UNC13B: variants seen among roughly 807,000 people sequenced by gnomAD.
The protein encoded by UNC13B is protein unc-13 homolog B.
A neutral mutation model predicts 211.0 loss-of-function variants in UNC13B; 144 were observed. That is an observed-to-expected ratio of 0.68 (90% CI 0.60 to 0.78). UNC13B has a LOEUF of 0.78. Ranked by LOEUF, UNC13B falls within the 30% of genes least tolerant of loss-of-function variation. The probability of loss-of-function intolerance (pLI) is 0.00; values close to 1 mark genes in which losing one functional copy is unlikely to be tolerated. For synonymous variants in UNC13B, 709 were observed against 725.8 expected (o/e 0.98, Z 0.37); for missense variants, 1,777 against 2,002.0 (o/e 0.89, Z 2.14).
At chr9:35,216,850 C>T (rs571892212) in intron 1 of UNC13B, among the ~76,000 whole-genome samples, 1 of 152,106 alleles carries the variant, frequency 6.6e-6, no homozygotes, top group Non-Finnish European at 1.5e-5. Context: ...AAACATAATC[C>T]AACTATGTGA....
chr9:35,262,213 T>C (rs1342853090), intron 7 of UNC13B, among the ~76,000 whole-genome samples: 1 of 152,146 alleles, frequency 6.6e-6, no homozygotes, highest in East Asian at 1.9e-4. Flanking sequence ...CCTTTTCTTT[T>C]CTTTGTTCTT....
At chr9:35,371,335 CTCTT>C (rs1195882591) in intron 13 of UNC13B, among the ~76,000 whole-genome samples, 29 of 148,888 alleles carry the variant, frequency 1.9e-4, no homozygotes, top group African/African-American at 5.9e-4. Flanking sequence ...TCCTTTCTCT[CTCTT>C]TCTTTCTTTC....
At chr9:35,170,186 G>A (rs1327427682) in intron 1 of UNC13B, among the ~76,000 whole-genome samples, 9 of 151,644 alleles carry the variant, frequency 5.9e-5, no homozygotes, top group Admixed American at 5.9e-4. Flanking sequence ...TTGTTTTTGA[G>A]ATGGAGTCTC....
chr9:35,391,352 C>A (rs1342032132), intron 26 of UNC13B, among the ~76,000 whole-genome samples: 2 of 152,202 alleles, frequency 1.3e-5, no homozygotes, highest in African/African-American at 4.8e-5. Flanking sequence ...GCGTTTCCTG[C>A]CATTTTATGT....
intron 13 of UNC13B, among the ~76,000 whole-genome samples, chr9:35,371,298 A>T (rs1368424815): frequency 6.9e-6 from 1 of 145,728 alleles, no homozygotes; most frequent in East Asian, 2.0e-4. Context: ...CTTCCCTTCC[A>T]TTATTTCTTA....
chr9:35,217,650 A>C (rs1458308273), intron 1 of UNC13B, among the ~76,000 whole-genome samples: 3 of 152,036 alleles, frequency 2.0e-5, no homozygotes, highest in Non-Finnish European at 2.9e-5. Context: ...CGGCCTCCCA[A>C]AGTGCTGGGA....
intron 11 of UNC13B, chr9:35,364,701 C>T: frequency 1.9e-6 from 2 of 1,079,250 alleles, no homozygotes; most frequent in Non-Finnish European, 2.6e-6. Context: ...TGCCTCTGAG[C>T]TTTGGCTCAT....
chr9:35,207,584 C>T (rs1823735698), intron 1 of UNC13B, among the ~76,000 whole-genome samples: 1 of 151,874 alleles, frequency 6.6e-6, no homozygotes. Context: ...ATCCTCCCAC[C>T]TAGGCCACCC....
chr9:35,187,697 A>G (rs1376006195), intron 1 of UNC13B, among the ~76,000 whole-genome samples: 1 of 152,208 alleles, frequency 6.6e-6, no homozygotes, highest in African/African-American at 2.4e-5. Context: ...CTTAGAGCTG[A>G]ACCCAGCCAT....
rs535456762 is a variant in UNC13B, at chr9:35,165,410, ATT to A, written c.22+3125_22+3126del. Among the ~76,000 whole-genome samples the A allele has an allele frequency of 3.0e-3, 412 of 136,500 alleles. 4 individuals carry two copies. Among genetic ancestry groups the A allele is most frequent in the South Asian group, 0.021 (87 of 4,198 alleles). The allele number at this position is 136,500 out of a possible 152,430, so 89.5% of individuals were successfully genotyped here. A position where few individuals can be genotyped will look rare whatever the true frequency, so the allele number is the denominator to read the frequency against. ...ACCATTCAGCGGGTGATTGACTTGA[ATT>A]TTTTTTTTTTTTTTTTTTTAATTTT... On this transcript the variant is annotated intron_variant, in intron 1 of 39. Transcript: ENST00000635942.
chr9:35,398,405 C>T, intron 31 of UNC13B, 117 bp downstream of exon 31: 4 of 1,388,100 alleles, frequency 2.9e-6, no homozygotes, highest in Non-Finnish European at 4.0e-6. Flanking sequence ...GGGGTCTGGG[C>T]TGGCTTAATC....
intron 26 of UNC13B, 129 bp downstream of exon 26, chr9:35,390,843 G>A: frequency 2.1e-6 from 2 of 948,974 alleles, no homozygotes; most frequent in Admixed American, 3.0e-5. Context: ...AGGAATTCTA[G>A]GCCTAGTGGG....
At chr9:35,294,290 C>T (rs572869724) in intron 7 of UNC13B, among the ~76,000 whole-genome samples, 9 of 152,184 alleles carry the variant, frequency 5.9e-5, no homozygotes, top group African/African-American at 2.2e-4. Flanking sequence ...GTTTCCACTG[C>T]CCACATTGCT....
At position 35,390,031 on chromosome 9, in the gene UNC13B, C is replaced by T. The variant is rs1835434650; in HGVS notation, c.11222+58C>T. On this transcript the variant is annotated intron_variant, in intron 25 of 39. Coordinates refer to ENST00000635942, the MANE Select transcript of UNC13B (RefSeq NM_001371189.2). ...GTGGTTGGTCTGTCCATCTGTCTAA[C>T]AACCTCTTTCTTTCCTGTCTCTGTA... 4 of 1,600,212 alleles carry T rather than the reference C, an allele frequency of 2.5e-6. No individual in the cohort carries two copies. The South Asian group carries it at 3.3e-5, about 13-fold the overall frequency.
intron 11 of UNC13B, among the ~76,000 whole-genome samples, chr9:35,365,197 G>T (rs1833699012): frequency 6.6e-6 from 1 of 152,188 alleles, no homozygotes; most frequent in African/African-American, 2.4e-5. Context: ...GACCATGAGG[G>T]TTTGCTTTGC....
chr9:35,316,845 T>C (rs1364690465), intron 11 of UNC13B, among the ~76,000 whole-genome samples: 1 of 152,120 alleles, frequency 6.6e-6, no homozygotes, highest in Non-Finnish European at 1.5e-5. Flanking sequence ...ATTGAAGTAA[T>C]TGAATGTACA....
chr9:35,313,766 A>G, intron 10 of UNC13B, 133 bp from the exon 11 acceptor site: 1 of 661,420 alleles, frequency 1.5e-6, no homozygotes, highest in Non-Finnish European at 2.7e-6. Flanking sequence ...CTGTTTTAGT[A>G]GCCTGAATCA....
At chr9:35,178,854 C>G (rs1821780568) in intron 1 of UNC13B, among the ~76,000 whole-genome samples, 1 of 129,918 alleles carries the variant, frequency 7.7e-6, no homozygotes, top group Non-Finnish European at 1.6e-5. Flanking sequence ...CACCACTGCA[C>G]TCCAGACTGG....
At chr9:35,214,385 C>G (rs1427633783) in intron 1 of UNC13B, among the ~76,000 whole-genome samples, 1 of 152,122 alleles carries the variant, frequency 6.6e-6, no homozygotes, top group Non-Finnish European at 1.5e-5. Context: ...GGAGATCGCA[C>G]CACTGTATTC....
Sources: gnomAD v4.1 joint callset for allele counts (sites outside exome capture counted in the v4.1 genomes callset) on GRCh38, gnomAD v4.1.1 for gene constraint, MANE v1.5 for transcripts, NCBI Gene and HGNC (gene_info 2026-07-23, HGNC 2026-07-21) for gene names.